The following SUMF1 variants were observed in gnomAD, a reference collection of about 807,000 sequenced individuals.
SUMF1 encodes the protein sulfatase modifying factor 1, also known as formylglycine-generating enzyme.
SUMF1 carries 48 observed loss-of-function variants against 47.6 expected under a neutral mutation model. The observed-to-expected ratio is 1.01, with a 90% CI of 0.80 to 1.28. The LOEUF (loss-of-function observed/expected upper bound fraction) is 1.28, where lower values mean the gene tolerates loss of function less well. Ranked by LOEUF, SUMF1 falls within the 50% of genes most tolerant of loss-of-function variation. The pLI is 0.00. For missense variants in SUMF1, 571 were observed against 485.4 expected, an observed-to-expected ratio of 1.18 and a Z score of -1.66; for synonymous variants, 230 against 192.1, an observed-to-expected ratio of 1.20 and a Z score of -1.63.
At chr3:4,314,102 G>A (rs1418652440) in intron 8 of SUMF1, 9 of 381,856 alleles carry the variant, frequency 2.4e-5, no homozygotes, top group Non-Finnish European at 4.3e-5. Context: ...TGGAACTGGA[G>A]CAGTCATCCT....
At chr3:4,357,354 C>A (rs1699642739), downstream of SUMF1, among the ~76,000 whole-genome samples, 1 of 148,746 alleles carries the variant, frequency 6.7e-6, no homozygotes. Flanking sequence ...GATTTTACCA[C>A]ATGCAAAAAT....
At chr3:4,445,664 A>G (rs1328565694) in intron 3 of SUMF1, among the ~76,000 whole-genome samples, 1 of 152,178 alleles carries the variant, frequency 6.6e-6, no homozygotes, top group Non-Finnish European at 1.5e-5. Flanking sequence ...ATTTAAATCC[A>G]TGAGTTCATG....
intron 9 of SUMF1, among the ~76,000 whole-genome samples, chr3:4,035,525 A>G (rs1694777040): frequency 2.0e-5 from 3 of 152,216 alleles, no homozygotes; most frequent in Non-Finnish European, 4.4e-5. Context: ...GCTTAATTTA[A>G]TTACACCTGA....
intron 8 of SUMF1, among the ~76,000 whole-genome samples, chr3:4,352,005 G>T (rs1699513703): frequency 6.6e-6 from 1 of 152,102 alleles, no homozygotes; most frequent in Non-Finnish European, 1.5e-5. Flanking sequence ...TTTAAGCCCA[G>T]ACAGTCTGGC....
At chr3:4,117,768 C>T (rs1693455217) in intron 8 of SUMF1, among the ~76,000 whole-genome samples, 1 of 152,056 alleles carries the variant, frequency 6.6e-6, no homozygotes, top group South Asian at 2.1e-4. Context: ...CCTGATTTCT[C>T]ATGCTGGTTT....
At chr3:4,408,288 G>C (rs1217183488) in intron 7 of SUMF1, among the ~76,000 whole-genome samples, 1 of 152,186 alleles carries the variant, frequency 6.6e-6, no homozygotes, top group Non-Finnish European at 1.5e-5. Context: ...AAAACATATT[G>C]ACGATATCAA....
intron 8 of SUMF1, among the ~76,000 whole-genome samples, chr3:4,373,554 C>T (rs529110425): frequency 6.6e-6 from 1 of 152,082 alleles, no homozygotes; most frequent in South Asian, 2.1e-4. Context: ...GAAATTCGAC[C>T]CTGTCTCTAA....
chr3:4,291,447 C>G (rs954817222), intron 8 of SUMF1, among the ~76,000 whole-genome samples: 5 of 152,162 alleles, frequency 3.3e-5, no homozygotes, highest in African/African-American at 1.2e-4. Context: ...GCCTTCCTCT[C>G]TCCTTCTTTT....
At chr3:4,422,812 A>C (rs1701944727) in intron 3 of SUMF1, among the ~76,000 whole-genome samples, 1 of 150,418 alleles carries the variant, frequency 6.6e-6, no homozygotes, top group Admixed American at 6.6e-5. Context: ...TTAACTTTTT[A>C]TTTCCATAGG....
At chr3:4,111,168 T>C (rs779400308) in intron 8 of SUMF1, among the ~76,000 whole-genome samples, 1 of 151,842 alleles carries the variant, frequency 6.6e-6, no homozygotes, top group Non-Finnish European at 1.5e-5. Context: ...AATTCACACA[T>C]ACTCAAGTCC....
rs549217074 is a variant in SUMF1 at position 4,092,426 on chromosome 3, C to G, written c.1015-23681G>C. Among the ~76,000 whole-genome samples, 10 of 152,228 alleles carry G rather than the reference C, an allele frequency of 6.6e-5. No individual in the cohort carries two copies. The East Asian group carries it at 1.9e-3, about 29-fold the overall frequency. On this transcript the variant is annotated intron_variant and NMD_transcript_variant, in intron 8 of 12. Transcript: ENST00000448413. ...GGTGAATTTCATGACTTCAAAGAAT[C>G]CTTTCCACATTGAGCATCTATGCCT...
chr3:4,151,190 ATATT>A (rs1364169262), intron 8 of SUMF1, among the ~76,000 whole-genome samples: 1 of 151,014 alleles, frequency 6.6e-6, no homozygotes, highest in Non-Finnish European at 1.5e-5. Context: ...ATGCAAATAT[ATATT>A]TAAACACATA....
chr3:4,085,537 C>T (rs1442314490), intron 8 of SUMF1, among the ~76,000 whole-genome samples: 4 of 152,084 alleles, frequency 2.6e-5, no homozygotes, highest in African/African-American at 9.7e-5. Flanking sequence ...ACCCACATGT[C>T]TTGTTAAATT....
intron 8 of SUMF1, among the ~76,000 whole-genome samples, chr3:4,108,733 C>T (rs2125067483): frequency 6.6e-6 from 1 of 152,192 alleles, no homozygotes; most frequent in Non-Finnish European, 1.5e-5. Flanking sequence ...TTATCAGAGA[C>T]TAGGATTGCA....
chr3:4,120,361 T>C (rs1430143915), intron 8 of SUMF1, among the ~76,000 whole-genome samples: 1 of 152,152 alleles, frequency 6.6e-6, no homozygotes, highest in East Asian at 1.9e-4. Flanking sequence ...GCTTGTTAGA[T>C]CTCACAATCT....
intron 9 of SUMF1, among the ~76,000 whole-genome samples, chr3:4,039,766 A>C (rs1241974062): frequency 1.3e-5 from 2 of 152,154 alleles, no homozygotes. Context: ...CATACCCATA[A>C]TCTCAGCACT....
intron 8 of SUMF1, among the ~76,000 whole-genome samples, chr3:4,208,071 G>A (rs1695692128): frequency 6.6e-6 from 1 of 152,054 alleles, no homozygotes; most frequent in Admixed American, 6.6e-5. Context: ...TCTGAAGTAT[G>A]CCAGATCACT....
At chr3:4,240,626 A>G (rs1696514907) in intron 8 of SUMF1, among the ~76,000 whole-genome samples, 1 of 152,068 alleles carries the variant, frequency 6.6e-6, no homozygotes, top group African/African-American at 2.4e-5. Flanking sequence ...ACTATTTATG[A>G]TAGTGAGATA....
chr3:4,333,522 C>T (rs531715877), intron 8 of SUMF1, among the ~76,000 whole-genome samples: 1 of 152,032 alleles, frequency 6.6e-6, no homozygotes, highest in African/African-American at 2.4e-5. Context: ...AAACACAGGT[C>T]CCCCAAAATT....
Sources: gnomAD v4.1 joint callset for allele counts (sites outside exome capture counted in the v4.1 genomes callset) on GRCh38, gnomAD v4.1.1 for gene constraint, MANE v1.5 for transcripts, NCBI Gene and HGNC (gene_info 2026-07-23, HGNC 2026-07-21) for gene names.